Variants in TNFRSF19 observed in about 807,000 individuals in gnomAD.
The protein encoded by TNFRSF19 is tumor necrosis factor receptor superfamily member 19.
A neutral mutation model predicts 46.4 loss-of-function variants in TNFRSF19; 27 were observed. That is an observed-to-expected ratio of 0.58 (90% confidence interval 0.43 to 0.80). The LOEUF is 0.80. Among genes scored for constraint, TNFRSF19 ranks in the 30% least tolerant of loss-of-function variants. TNFRSF19 has a pLI of 0.00. For synonymous variants in TNFRSF19, 204 were observed against 205.0 expected, an observed-to-expected ratio of 1.00 and a Z score of 0.04; for missense variants, 511 against 530.8, an observed-to-expected ratio of 0.96 and a Z score of 0.37.
At chr13:23,610,245 A>G (rs1880801206) in intron 3 of TNFRSF19, among the ~76,000 whole-genome samples, 1 of 152,232 alleles carries the variant, frequency 6.6e-6, no homozygotes, top group Non-Finnish European at 1.5e-5. Context: ...TGGTCTGAAG[A>G]GCTGCTCCTC....
chr13:23,582,507 A>T (rs1365378548), intron 1 of TNFRSF19, among the ~76,000 whole-genome samples: 1 of 152,232 alleles, frequency 6.6e-6, no homozygotes, highest in Admixed American at 6.5e-5. Flanking sequence ...TCTCCGATAA[A>T]TATTACAATT....
At chr13:23,583,473 G>T (rs199873921) in intron 1 of TNFRSF19, among the ~76,000 whole-genome samples, 2 of 152,022 alleles carry the variant, frequency 1.3e-5, no homozygotes, top group East Asian at 3.8e-4. Context: ...AACAGTATTG[G>T]GTTATCTTCT....
At chr13:23,662,398 T>C (rs1469907532) in intron 7 of TNFRSF19, among the ~76,000 whole-genome samples, 1 of 152,216 alleles carries the variant, frequency 6.6e-6, no homozygotes, top group Non-Finnish European at 1.5e-5. Context: ...CCTGTTTTTG[T>C]ACTAGTACCA....
chr13:23,622,835 G>T (rs1881757311), intron 4 of TNFRSF19, among the ~76,000 whole-genome samples: 3 of 152,050 alleles, frequency 2.0e-5, no homozygotes, highest in Admixed American at 2.0e-4. Context: ...AGTTTTCGGG[G>T]TGAAAAGATA....
chr13:23,580,170 G>A (rs76487413), intron 1 of TNFRSF19, among the ~76,000 whole-genome samples: 1 of 152,358 alleles, frequency 6.6e-6, no homozygotes, highest in East Asian at 1.9e-4. Flanking sequence ...TACTCCTGGA[G>A]ATCAAGTTTG....
At chr13:23,668,204 G>A in intron 8 of TNFRSF19, 122 bp downstream of exon 8, 1 of 945,242 alleles carries the variant, frequency 1.1e-6, no homozygotes, top group Non-Finnish European at 1.6e-6. Context: ...TGACATTCTG[G>A]ATATTGGTGG....
In TNFRSF19 at chr13:23,618,776, G is replaced by A. The variant is rs532889471; in HGVS notation, c.359+2731G>A. ...GAAACAACCAAGCTCTGGTTTGAAT[G>A]TGTCCCCTCCAAAATTCAGTTGTTG... On this transcript the variant is annotated intron_variant, in intron 4 of 9. Transcript: ENST00000248484. Among the ~76,000 whole-genome samples the A allele has an allele frequency of 3.3e-5, 5 of 152,336 alleles. No individual in the cohort carries two copies. In the South Asian group the frequency reaches 1.0e-3, roughly 32 times the overall value.
At chr13:23,635,292 G>C (rs946205405) in intron 5 of TNFRSF19, among the ~76,000 whole-genome samples, 1 of 152,138 alleles carries the variant, frequency 6.6e-6, no homozygotes, top group Non-Finnish European at 1.5e-5. Context: ...AGGTTGAAAA[G>C]GGCATTAGAA....
At chr13:23,573,934 C>T (rs955138378) in intron 1 of TNFRSF19, among the ~76,000 whole-genome samples, 2 of 151,728 alleles carry the variant, frequency 1.3e-5, no homozygotes, top group African/African-American at 4.8e-5. Context: ...AGGTGGCAGG[C>T]GCCTGTAGTC....
intron 3 of TNFRSF19, among the ~76,000 whole-genome samples, chr13:23,603,263 A>G: frequency 6.6e-6 from 1 of 152,092 alleles, no homozygotes; most frequent in Admixed American, 6.5e-5. Context: ...ACGCAGTCTG[A>G]CAAAGCTCAC....
At position 23,673,530 on chromosome 13, in the gene TNFRSF19, C is replaced by T. The variant is rs1050766930; in HGVS notation, c.*150C>T. On this transcript the variant is annotated 3_prime_UTR_variant, in exon 10 of 10. Transcript: ENST00000248484. ...ACTGACGGCATTTGAAGCCTTTCAG[C>T]CAGTTGCTTCTGAGCCAGACCAGCT... 8.4e-6 allele frequency: 11 copies of T among 1,315,970 alleles called. No homozygotes were observed. Among genetic ancestry groups the T allele is most frequent in the Non-Finnish European group, 1.1e-5 (11 of 1,022,732 alleles). 81.5% of individuals were successfully genotyped at this position (1,315,970 alleles called of 1,614,324 possible).
chr13:23,590,322 T>A, intron 2 of TNFRSF19, 70 bp downstream of exon 2: 1 of 937,218 alleles, frequency 1.1e-6, no homozygotes, highest in South Asian at 1.6e-5. Flanking sequence ...GTAGTAGGAG[T>A]ACCAAAATCA....
At chr13:23,640,243 C>A (rs1412280093) in intron 5 of TNFRSF19, among the ~76,000 whole-genome samples, 1 of 152,124 alleles carries the variant, frequency 6.6e-6, no homozygotes, top group Non-Finnish European at 1.5e-5. Flanking sequence ...CTCCACACAC[C>A]AAGTAGAGAC....
At chr13:23,656,003 A>G (rs1313024615) in intron 5 of TNFRSF19, among the ~76,000 whole-genome samples, 2 of 152,196 alleles carry the variant, frequency 1.3e-5, no homozygotes, top group Non-Finnish European at 2.9e-5. Context: ...GAGTGTTACC[A>G]TAAACTCATA....
intron 1 of TNFRSF19, among the ~76,000 whole-genome samples, chr13:23,587,435 T>C (rs1439498669): frequency 6.6e-6 from 1 of 152,232 alleles, no homozygotes; most frequent in Non-Finnish European, 1.5e-5. Context: ...TTGGCCAAGC[T>C]GTGAGCTCCC....
intron 1 of TNFRSF19, chr13:23,579,655 G>C (rs922201738): frequency 6.6e-6 from 1 of 152,418 alleles, no homozygotes; most frequent in East Asian, 1.9e-4. Flanking sequence ...AGCGCAGGCG[G>C]GGGCTGCTCA....
At chr13:23,590,063 T>C in intron 1 of TNFRSF19, 87 bp from the exon 2 acceptor site, 1 of 594,832 alleles carries the variant, frequency 1.7e-6, no homozygotes, top group Non-Finnish European at 2.9e-6. Context: ...ACCTAGTCTA[T>C]ATAGTAAGTG....
chr13:23,582,293 C>T (rs1170519183), intron 1 of TNFRSF19, among the ~76,000 whole-genome samples: 1 of 149,888 alleles, frequency 6.7e-6, no homozygotes, highest in Non-Finnish European at 1.5e-5. Flanking sequence ...CCCAGCTACT[C>T]GGGAGGCTGA....
At chr13:23,617,696 A>T (rs1881397781) in intron 4 of TNFRSF19, among the ~76,000 whole-genome samples, 1 of 152,234 alleles carries the variant, frequency 6.6e-6, no homozygotes, top group Non-Finnish European at 1.5e-5. Flanking sequence ...GCAAACATTT[A>T]TTACTTGCAA....
Sources: gnomAD v4.1 joint callset for allele counts (sites outside exome capture counted in the v4.1 genomes callset) on GRCh38, gnomAD v4.1.1 for gene constraint, MANE v1.5 for transcripts, NCBI Gene and HGNC (gene_info 2026-07-23, HGNC 2026-07-21) for gene names.